The following MMD2 variants were observed in gnomAD, a reference collection of about 807,000 sequenced individuals.
The protein encoded by MMD2 is monocyte to macrophage differentiation factor 2.
Under a neutral mutation model 33.5 loss-of-function variants are expected in MMD2, and 30 were observed. That is an observed-to-expected ratio of 0.90 (90% confidence interval 0.67 to 1.22). The LOEUF (loss-of-function observed/expected upper bound fraction) is 1.22. Ranked by LOEUF, MMD2 falls within the 50% of genes most tolerant of loss-of-function variation. The pLI is 0.00. For missense variants in MMD2, 364 were observed against 325.4 expected (o/e 1.12, Z -0.91); for synonymous variants, 129 against 123.0 (o/e 1.05, Z -0.32).
At chr7:4,901,750 C>T (rs117257027), downstream of MMD2, among the ~76,000 whole-genome samples, 476 of 152,318 alleles carry the variant, frequency 3.1e-3, 4 homozygotes, top group Non-Finnish European at 5.2e-3. Context: ...GCTTCCCTGG[C>T]CGGGCTTCAC....
At chr7:4,931,951 C>CTAAGGTCTGCACACACCTGGCTGT (rs1785600279) in intron 1 of MMD2, among the ~76,000 whole-genome samples, 4 of 152,138 alleles carry the variant, frequency 2.6e-5, no homozygotes, top group African/African-American at 9.7e-5. Context: ...GGCAGGGAGT[C>CTAAGGTCTGCACACACCTGGCTGT]CGGAGACCAA....
At chr7:4,925,979 T>A (rs918660041) in intron 1 of MMD2, among the ~76,000 whole-genome samples, 9 of 152,162 alleles carry the variant, frequency 5.9e-5, no homozygotes, top group Admixed American at 5.9e-4. Context: ...CTAATTCTTG[T>A]ATTTTTAGTA....
chr7:4,907,873 C>T (rs551730626), intron 6 of MMD2, among the ~76,000 whole-genome samples: 26 of 152,296 alleles, frequency 1.7e-4, no homozygotes, highest in Non-Finnish European at 2.4e-4. Flanking sequence ...GTGGCACAAG[C>T]GTAGCTCACT....
intron 1 of MMD2, among the ~76,000 whole-genome samples, chr7:4,944,414 C>T (rs1223983139): frequency 1.3e-5 from 2 of 152,152 alleles, no homozygotes; most frequent in African/African-American, 2.4e-5. Flanking sequence ...GTGAGCCCAC[C>T]CTCCTGCTGG....
intron 2 of MMD2, among the ~76,000 whole-genome samples, chr7:4,924,771 G>T (rs1785378791): frequency 6.6e-6 from 1 of 152,168 alleles, no homozygotes; most frequent in African/African-American, 2.4e-5. Context: ...CCGTGCAAAG[G>T]CATGGAGTCA....
intron 1 of MMD2, among the ~76,000 whole-genome samples, chr7:4,935,611 G>A (rs2115130634): frequency 6.9e-6 from 1 of 145,936 alleles, no homozygotes; most frequent in Non-Finnish European, 1.5e-5. Context: ...CAGGGAGGTT[G>A]AGGCTGCAGT....
rs376540938 is a variant in MMD2 at position 4,927,920 on chromosome 7, T to C, written c.48-2388A>G. Among the ~76,000 whole-genome samples the C allele has an allele frequency of 2.6e-5, 4 of 152,230 alleles. No homozygotes were observed. The East Asian group carries it at 5.8e-4, about 22-fold the overall frequency. On this transcript the variant is annotated intron_variant, in intron 1 of 6. Coordinates refer to ENST00000401401, the MANE Select transcript of MMD2 (RefSeq NM_198403.4). ...GGGACTCAACCCAGCCCTGGTTGAC[T>C]CCGACGTCTGGTTCTGCCTTGACGC...
chr7:4,946,375 T>C lies in MMD2; in HGVS notation c.47+12596A>G, dbSNP rs1786088326. Among the ~76,000 whole-genome samples, 1 of 152,158 alleles carries C rather than the reference T, an allele frequency of 6.6e-6. No individual in the cohort carries two copies. Among genetic ancestry groups the C allele is most frequent in the Non-Finnish European group, 1.5e-5 (1 of 68,026 alleles). ...CTCTGCGGCCTTTCTCTGAAAGAAATGAAACCTTGGCTTTATCTAAGATAA... is the reference window on the plus strand; with the variant it reads ...CTCTGCGGCCTTTCTCTGAAAGAAACGAAACCTTGGCTTTATCTAAGATAA... On this transcript the variant is annotated intron_variant, in intron 1 of 6. Transcript: ENST00000401401. The surrounding 1 kb of genome is among the most constrained non-coding windows in gnomAD (Gnocchi z 5.0).
chr7:4,912,791 C>T (rs893459424), intron 4 of MMD2, among the ~76,000 whole-genome samples: 4 of 151,988 alleles, frequency 2.6e-5, no homozygotes, highest in African/African-American at 7.2e-5. Context: ...CTGCACCCTT[C>T]GCCTCCCGGG....
intron 4 of MMD2, 149 bp from the exon 5 acceptor site, chr7:4,911,395 G>C: frequency 3.3e-6 from 2 of 607,976 alleles, no homozygotes; most frequent in Non-Finnish European, 5.8e-6. Context: ...ACAGGAAGAC[G>C]GGTGAACAGG....
rs1784861737 is a variant in MMD2, at chr7:4,906,116, C to G, written c.*1280G>C. The G allele has an allele frequency of 1.1e-5, 2 of 182,612 alleles. No individual in the cohort carries two copies. The highest frequency in any genetic ancestry group is 4.7e-5 in the African/African-American group (2 of 42,860). 11.3% of individuals were successfully genotyped at this position (182,612 alleles called of 1,614,324 possible). A position where few individuals can be genotyped will look rare whatever the true frequency, so the allele number is the denominator to read the frequency against. The stretch of plus-strand genomic sequence containing the variant: ...GCATCCTGTCTGTGCCCACTCCACC[C>G]TGGTTGGGAGTCGCAGAATGAGGAC... On this transcript the variant is annotated 3_prime_UTR_variant, in exon 7 of 7. Transcript: ENST00000401401.
In MMD2 at chr7:4,925,441, G is replaced by T; in HGVS notation, c.129+10C>A. ...CATCTCAGCCCTGAGCCCCCCAAAAGCCAACTCACAGCATGGGTGGCACAG... is the reference window on the plus strand; with the variant it reads ...CATCTCAGCCCTGAGCCCCCCAAAATCCAACTCACAGCATGGGTGGCACAG... On this transcript the variant is annotated intron_variant, in intron 2 of 6. Coordinates refer to ENST00000401401, the MANE Select transcript of MMD2 (RefSeq NM_198403.4). 6.7e-7 allele frequency: 1 copy of T among 1,502,174 alleles called. No individual in the cohort carries two copies. The highest frequency in any genetic ancestry group is 8.9e-7 in the Non-Finnish European group (1 of 1,120,324). The allele number at this position is 1,502,174 out of a possible 1,614,324, so 93.1% of individuals were successfully genotyped here.
At chr7:4,934,610 C>A (rs1583385128) in intron 1 of MMD2, among the ~76,000 whole-genome samples, 1 of 152,282 alleles carries the variant, frequency 6.6e-6, no homozygotes, top group East Asian at 1.9e-4. Context: ...TGTAGCCAAC[C>A]CTTACTGCTT....
chr7:4,941,595 A>C (rs1444787465), intron 1 of MMD2, among the ~76,000 whole-genome samples: 1 of 149,728 alleles, frequency 6.7e-6, no homozygotes, highest in Non-Finnish European at 1.5e-5. Flanking sequence ...GCACCACTGC[A>C]CTCCAGCCTG....
At chr7:4,915,092 C>G (rs1194509245) in intron 4 of MMD2, among the ~76,000 whole-genome samples, 1 of 151,912 alleles carries the variant, frequency 6.6e-6, no homozygotes, top group Non-Finnish European at 1.5e-5. Flanking sequence ...GGGCTACATA[C>G]TGAGACCCAT....
At chr7:4,902,567 C>A (rs1784809234), downstream of MMD2, among the ~76,000 whole-genome samples, 4 of 152,186 alleles carry the variant, frequency 2.6e-5, no homozygotes, top group South Asian at 8.3e-4. Flanking sequence ...CCGGAGGAGA[C>A]CCAGACAGGT....
At chr7:4,929,674 G>A (rs772555565) in intron 1 of MMD2, among the ~76,000 whole-genome samples, 18 of 151,820 alleles carry the variant, frequency 1.2e-4, no homozygotes, top group African/African-American at 3.4e-4. Context: ...ACAGGCGCCC[G>A]CCACCACACT....
chr7:4,908,987 G>A (rs538296335), intron 6 of MMD2, among the ~76,000 whole-genome samples: 8 of 151,902 alleles, frequency 5.3e-5, no homozygotes, highest in African/African-American at 1.2e-4. Flanking sequence ...ATGGACGCAC[G>A]ACAATGTGAG....
At chr7:4,952,195 T>C (rs776078726) in intron 1 of MMD2, among the ~76,000 whole-genome samples, 4 of 152,196 alleles carry the variant, frequency 2.6e-5, no homozygotes, top group African/African-American at 4.8e-5. Context: ...GCTTGCAGTC[T>C]GGCTGGGGAG....
Sources: gnomAD v4.1 joint callset for allele counts (sites outside exome capture counted in the v4.1 genomes callset) on GRCh38, gnomAD v4.1.1 for gene constraint, Gnocchi (gnomAD v3.1) non-coding constraint, MANE v1.5 for transcripts, NCBI Gene and HGNC (gene_info 2026-07-23, HGNC 2026-07-21) for gene names.